AP3S2: variants seen among roughly 807,000 people sequenced by gnomAD.
The protein encoded by AP3S2 is adaptor related protein complex 3 subunit sigma 2, also known as AP-3 complex subunit sigma-2.
A neutral mutation model predicts 23.4 loss-of-function variants in AP3S2; 22 were observed. That is an observed-to-expected ratio of 0.94 (90% confidence interval 0.67 to 1.34). The LOEUF is 1.34. Ranked by LOEUF, AP3S2 falls within the 40% of genes most tolerant of loss-of-function variation. AP3S2 has a pLI of 0.00. For synonymous variants in AP3S2, 86 were observed against 87.1 expected (o/e 0.99, Z 0.07); for missense variants, 241 against 236.9 (o/e 1.02, Z -0.11).
intron 4 of AP3S2, chr15:89,865,841 A>T (rs1896104611): frequency 6.6e-6 from 1 of 152,268 alleles, no homozygotes; most frequent in East Asian, 1.9e-4. Context: ...AAATTCATAT[A>T]ATGAAATCCT....
At chr15:89,869,567 T>TAAAAAAAA (rs527600193) in intron 4 of AP3S2, among the ~76,000 whole-genome samples, 3 of 123,414 alleles carry the variant, frequency 2.4e-5, no homozygotes, top group Non-Finnish European at 5.1e-5. Context: ...GAATTATCAA[T>TAAAAAAAA]AAAAAAAAAA....
chr15:89,888,742 G>T, intron 2 of AP3S2, 110 bp from the exon 3 acceptor site: 2 of 1,202,642 alleles, frequency 1.7e-6, no homozygotes, highest in Non-Finnish European at 1.2e-6. Context: ...AAGGCCAAAC[G>T]CTAGAAGCAG....
intron 4 of AP3S2, among the ~76,000 whole-genome samples, chr15:89,869,758 G>A (rs991464178): frequency 1.4e-5 from 2 of 142,960 alleles, no homozygotes; most frequent in African/African-American, 2.5e-5. Context: ...CAATTTGGTT[G>A]TTTTTTTTTT....
chr15:89,868,407 G>A (rs1303574388), intron 4 of AP3S2, among the ~76,000 whole-genome samples: 22 of 46,050 alleles, frequency 4.8e-4, no homozygotes, highest in East Asian at 1.7e-3. Context: ...TCAGCCCTCC[G>A]CCCGGCCAGC....
At chr15:89,858,141 C>A (rs1895885296) in intron 4 of AP3S2, among the ~76,000 whole-genome samples, 1 of 151,996 alleles carries the variant, frequency 6.6e-6, no homozygotes, top group Non-Finnish European at 1.5e-5. Flanking sequence ...AGTTAGGAAT[C>A]AAGAGATTCT....
At chr15:89,875,057 C>A (rs1009443631) in intron 3 of AP3S2, among the ~76,000 whole-genome samples, 2 of 152,136 alleles carry the variant, frequency 1.3e-5, no homozygotes, top group African/African-American at 4.8e-5. Flanking sequence ...AAAAAAGCAA[C>A]GGCAGATCCC....
At chr15:89,847,800 C>T (rs1269146648) in intron 4 of AP3S2, among the ~76,000 whole-genome samples, 2 of 152,148 alleles carry the variant, frequency 1.3e-5, no homozygotes, top group African/African-American at 4.8e-5. Flanking sequence ...ATTTACAATG[C>T]ATTTTTCTAT....
At chr15:89,838,715 A>ATC (rs1567171925) in intron 4 of AP3S2, among the ~76,000 whole-genome samples, 1 of 152,220 alleles carries the variant, frequency 6.6e-6, no homozygotes, top group Non-Finnish European at 1.5e-5. Flanking sequence ...TGGGGAAGTC[A>ATC]GAGAAGAAAG....
chr15:89,888,692 C>A, intron 2 of AP3S2, 60 bp from the exon 3 acceptor site: 1 of 1,527,420 alleles, frequency 6.5e-7, no homozygotes, highest in African/African-American at 1.4e-5. Flanking sequence ...CAAAAAGAAA[C>A]CTTGTGCCAA....
chr15:89,859,045 G>C (rs984646878), intron 4 of AP3S2, among the ~76,000 whole-genome samples: 6 of 151,204 alleles, frequency 4.0e-5, no homozygotes, highest in Admixed American at 6.6e-5. Flanking sequence ...TACTTAAAGA[G>C]ATGGGGTCTC....
intron 4 of AP3S2, chr15:89,865,450 G>C (rs192677195): frequency 2.0e-5 from 3 of 152,196 alleles, no homozygotes; most frequent in Non-Finnish European, 4.4e-5. Flanking sequence ...ACCACACTGA[G>C]AATATAAACC....
chr15:89,877,298 G>T (rs1237376359), intron 3 of AP3S2: 2 of 1,328,478 alleles, frequency 1.5e-6, no homozygotes, highest in South Asian at 1.2e-5. Context: ...GTTTGAAAAA[G>T]ATCATACTTT....
intron 4 of AP3S2, among the ~76,000 whole-genome samples, chr15:89,844,249 T>TC (rs1895420918): frequency 2.0e-5 from 1 of 50,190 alleles, no homozygotes; most frequent in African/African-American, 5.8e-5. Flanking sequence ...CTTTCTTTCT[T>TC]TCTTTCTTTC....
At chr15:89,835,701 T>TAAA (rs5814404) in intron 5 of AP3S2, 58 bp from the exon 6 acceptor site, 79 of 1,040,238 alleles carry the variant, frequency 7.6e-5, no homozygotes, top group South Asian at 3.4e-4. Context: ...TGCTTAATGC[T>TAAA]AAAAAAAAAA....
chr15:89,878,331 G>A (rs142535168), intron 3 of AP3S2: 5 of 621,566 alleles, frequency 8.0e-6, no homozygotes, highest in Non-Finnish European at 1.4e-5. Flanking sequence ...AATGGAGTAG[G>A]AGAAAATATT....
At position 89,833,674 on chromosome 15, in the gene AP3S2, A is replaced by C. The variant is rs1389578437; in HGVS notation, c.*1841T>G. Reference sequence around the variant, plus strand: ...AAATCCAACCCCTCAAAAGAATGACATCAGGGGTTTTGATATCTATTCACC... The same window carrying C: ...AAATCCAACCCCTCAAAAGAATGACCTCAGGGGTTTTGATATCTATTCACC... On this transcript the variant is annotated 3_prime_UTR_variant, in exon 6 of 6. Coordinates refer to ENST00000336418, the MANE Select transcript of AP3S2 (RefSeq NM_005829.5). The C allele has an allele frequency of 6.6e-6, 1 of 152,242 alleles. No homozygotes were observed. Among genetic ancestry groups the C allele is most frequent in the African/African-American group, 2.4e-5 (1 of 41,470 alleles). 9.4% of individuals were successfully genotyped at this position (152,242 alleles called of 1,614,324 possible).
At position 89,871,368 on chromosome 15, in the gene AP3S2, T is replaced by TA. The variant is rs1036518386; in HGVS notation, c.345+106dup. 1.4e-3 allele frequency: 1,351 copies of TA among 992,914 alleles called. 2 individuals carry two copies. The highest frequency in any genetic ancestry group is 1.9e-3 in the Admixed American group (65 of 34,742). The allele number at this position is 992,914 out of a possible 1,614,324, so 61.5% of individuals were successfully genotyped here. ...ACATGTTCTAGGACTATCTTAAGAG[T>TA]AAAAAAAAACAAGAAACAATATGAA... On this transcript the variant is annotated intron_variant, in intron 4 of 5. Transcript: ENST00000336418.
intron 4 of AP3S2, among the ~76,000 whole-genome samples, chr15:89,866,923 A>C (rs1334059474): frequency 1.3e-5 from 2 of 151,784 alleles, no homozygotes; most frequent in Non-Finnish European, 2.9e-5. Flanking sequence ...TCCAGCAGAG[A>C]CACCTCAATA....
intron 4 of AP3S2, among the ~76,000 whole-genome samples, chr15:89,867,013 C>T (rs1411488173): frequency 8.3e-6 from 1 of 120,668 alleles, no homozygotes; most frequent in African/African-American, 3.1e-5. Flanking sequence ...TCCCCCTACC[C>T]CTCCCCCTCC....
Sources: allele counts gnomAD v4.1 joint callset (sites outside exome capture counted in the v4.1 genomes callset), GRCh38; gene constraint gnomAD v4.1.1; transcripts MANE v1.5; gene names NCBI Gene and HGNC (gene_info 2026-07-23, HGNC 2026-07-21).